MRPL38: variants seen among roughly 807,000 people sequenced by gnomAD.
The protein encoded by MRPL38 is large ribosomal subunit protein mL38.
MRPL38 carries 51 observed loss-of-function variants against 52.1 expected under a neutral mutation model. The observed-to-expected ratio is 0.98, with a 90% confidence interval of 0.78 to 1.24. The LOEUF (loss-of-function observed/expected upper bound fraction) is 1.24, where lower values mean the gene tolerates loss of function less well. Among genes scored for constraint, MRPL38 ranks in the 50% most tolerant of loss-of-function variants. MRPL38 has a pLI of 0.00. For missense variants in MRPL38, 527 were observed against 518.6 expected (o/e 1.02, Z -0.16); for synonymous variants, 245 against 212.7 (o/e 1.15, Z -1.32).
At position 75,901,033 on chromosome 17, in the gene MRPL38, C is replaced by G. The variant is rs2065401621; in HGVS notation, c.665-6G>C. 6.2e-7 allele frequency: 1 copy of G among 1,611,762 alleles called. No homozygotes were observed. The highest frequency in any genetic ancestry group is 1.3e-5 in the African/African-American group (1 of 74,930). ...TGGCTCCAGCAGGTGCCCATCTGCA[C>G]AAAAACACACCTGCTGACCACGGCC... On this transcript the variant is annotated splice_polypyrimidine_tract_variant and splice_region_variant and intron_variant, in intron 5 of 8. Transcript: ENST00000309352. The surrounding 1 kb of genome is among the most constrained non-coding windows in gnomAD (Gnocchi z 5.7).
chr17:75,899,168 G>GT lies in MRPL38; in HGVS notation c.995dup (p.His332GlnfsTer12), dbSNP rs1567852216. 6.2e-7 allele frequency: 1 copy of GT among 1,603,528 alleles called. No individual in the cohort carries two copies. Among genetic ancestry groups the GT allele is most frequent in the Admixed American group, 1.7e-5 (1 of 58,376 alleles). On this transcript the variant is annotated frameshift_variant, in exon 8 of 9. Coordinates refer to ENST00000309352, the MANE Select transcript of MRPL38 (RefSeq NM_032478.4). LOFTEE classifies it high-confidence loss of function. ...CCCCATGGCCCTTACCCAGAAGCTG[G>GT]TGGAAGATGTAGGTGACGGAGTCAT...
In MRPL38 at chr17:75,899,188, A is replaced by G. The variant is rs775763613; in HGVS notation, c.976T>C (p.Ser326Pro). The G allele has an allele frequency of 5.0e-6, 8 of 1,605,502 alleles. No homozygotes were observed. In the South Asian group the frequency reaches 8.9e-5, roughly 18 times the overall value. ...LSFFQCRWDD[S>P]VTYIFHQLLD... ...AGCTGGTGGAAGATGTAGGTGACGG[A>G]GTCATCCCAGCGGCACTGGAAGAAG... The change falls in exon 8 of 9, where the codon TCC becomes CCC. Residue 326 changes from serine to proline, a missense_variant. Coordinates refer to ENST00000309352, the MANE Select transcript of MRPL38 (RefSeq NM_032478.4).
chr17:75,901,697 C>G lies in MRPL38; in HGVS notation c.591+15G>C, dbSNP rs761110048. ...TTGCACAGGGCAGGGAGGAGGGGCA[C>G]AAGTGAGTGGTTACCTCGGTTGGAG... On this transcript the variant is annotated intron_variant, in intron 4 of 8. Transcript: ENST00000309352. The surrounding 1 kb of genome is among the most constrained non-coding windows in gnomAD (Gnocchi z 5.7). 3.7e-6 allele frequency: 6 copies of G among 1,611,586 alleles called. No homozygotes were observed.
chr17:75,901,801 CA>C lies in MRPL38; in HGVS notation c.501del (p.Phe167LeufsTer18), dbSNP rs1312672393. On this transcript the variant is annotated frameshift_variant, in exon 4 of 9. Transcript: ENST00000309352. LOFTEE classifies it high-confidence loss of function. This position sits in a 1 kb window ranked among gnomAD's most constrained non-coding sequence, Gnocchi z 5.7. The part of the protein sequence containing the change: ...LYRDLFHGAT[F>X]VPRVPLHVAY... Reference sequence around the variant, plus strand: ...GCCACGTGCAGGGGGACTCGGGGCACAAAGGTGGCACCGTGGAACAGGTCTC... The same window carrying C: ...GCCACGTGCAGGGGGACTCGGGGCACAAGGTGGCACCGTGGAACAGGTCTC... 1 of 1,613,490 alleles carries C rather than the reference CA, an allele frequency of 6.2e-7. No individual in the cohort carries two copies. The highest frequency in any genetic ancestry group is 8.5e-7 in the Non-Finnish European group (1 of 1,179,888).
Position 75,901,495 on chromosome 17 carries a change from CCA to C in MRPL38, c.591+215_591+216del. 1.5e-6 allele frequency: 1 copy of C among 663,544 alleles called. No homozygotes were observed. The highest frequency in any genetic ancestry group is 2.6e-6 in the Non-Finnish European group (1 of 383,978). The allele number at this position is 663,544 out of a possible 1,614,324, so 41.1% of individuals were successfully genotyped here. ...GCCAAGGCCGGGCCAGGAGGGCACACCACAGACAGCAGGCTGGTCACAGGAAT... is the reference window on the plus strand; with the variant it reads ...GCCAAGGCCGGGCCAGGAGGGCACACCAGACAGCAGGCTGGTCACAGGAAT... On this transcript the variant is annotated intron_variant, in intron 4 of 8. Coordinates refer to ENST00000309352, the MANE Select transcript of MRPL38 (RefSeq NM_032478.4). The surrounding 1 kb of genome is among the most constrained non-coding windows in gnomAD (Gnocchi z 5.7).
chr17:75,902,312 C>T (rs2065408806), intron 2 of MRPL38, 158 bp from the exon 3 acceptor site: 2 of 793,802 alleles, frequency 2.5e-6, no homozygotes, highest in African/African-American at 3.5e-5. Flanking sequence ...CCACATTGCC[C>T]AGGCTGGTAT....
Position 75,901,479 on chromosome 17 carries a change from G to A in MRPL38, c.592-206C>T, listed in dbSNP as rs1330926151. Reference sequence around the variant, plus strand: ...ACAAAAACGAACATGTGCCAAGGCCGGGCCAGGAGGGCACACCACAGACAG... The same window carrying A: ...ACAAAAACGAACATGTGCCAAGGCCAGGCCAGGAGGGCACACCACAGACAG... On this transcript the variant is annotated intron_variant, in intron 4 of 8. Coordinates refer to ENST00000309352, the MANE Select transcript of MRPL38 (RefSeq NM_032478.4). This position sits in a 1 kb window ranked among gnomAD's most constrained non-coding sequence, Gnocchi z 5.7. 19 of 665,664 alleles carry A rather than the reference G, an allele frequency of 2.9e-5. No individual in the cohort carries two copies. Among genetic ancestry groups the A allele is most frequent in the Non-Finnish European group, 4.4e-5 (17 of 385,204 alleles). The allele number at this position is 665,664 out of a possible 1,614,324, so 41.2% of individuals were successfully genotyped here.
chr17:75,904,767 A>ACCGGG, intron 1 of MRPL38, 42 bp downstream of exon 1: 2 of 665,820 alleles, frequency 3.0e-6, no homozygotes, highest in Non-Finnish European at 4.3e-6. Flanking sequence ...AGCTCGGGCG[A>ACCGGG]CAGCCCCCCC....
chr17:75,904,254 C>A (rs1198202770), intron 2 of MRPL38: 3 of 602,274 alleles, frequency 5.0e-6, no homozygotes, highest in East Asian at 7.5e-5. Flanking sequence ...AGAACGGCAT[C>A]CCAATCCGGA....
chr17:75,900,835 G>A, intron 6 of MRPL38, 147 bp downstream of exon 6: 1 of 1,440,008 alleles, frequency 6.9e-7, no homozygotes, highest in South Asian at 1.5e-5. Context: ...GGATCCCAGG[G>A]CCCCTAACAC....
At position 75,904,494 on chromosome 17, in the gene MRPL38, A is replaced by G. The variant is rs1388879288; in HGVS notation, c.247+46T>C. The G allele has an allele frequency of 4.1e-6, 6 of 1,469,514 alleles. No homozygotes were observed. The African/African-American group carries it at 5.7e-5, about 14-fold the overall frequency. 91.0% of individuals were successfully genotyped at this position (1,469,514 alleles called of 1,614,324 possible). ...CCGGGGAAAACGCCGGCGGGTCCCGAGTTCCCCGGGCGGTGGCTGCAGCCC... is the reference window on the plus strand; with the variant it reads ...CCGGGGAAAACGCCGGCGGGTCCCGGGTTCCCCGGGCGGTGGCTGCAGCCC... On this transcript the variant is annotated intron_variant, in intron 2 of 8. Transcript: ENST00000309352.
rs201107670 is a variant in MRPL38, at chr17:75,899,314, G to A, written c.870-20C>T. The A allele has an allele frequency of 4.9e-4, 788 of 1,609,866 alleles. 1 individual carries two copies. The highest frequency in any genetic ancestry group is 5.2e-4 in the Non-Finnish European group (616 of 1,178,132). ...TGATAGCTATGAGAAGATAGAGAGC[G>A]TATGAGAGTGTGGAGTGGGGCACCA... On this transcript the variant is annotated intron_variant, in intron 7 of 8. Transcript: ENST00000309352.
In MRPL38 at chr17:75,904,607, T is replaced by A. The variant is rs3744015; in HGVS notation, c.180A>T (p.Arg60=). 1.9e-6 allele frequency: 3 copies of A among 1,591,388 alleles called. No homozygotes were observed. The highest frequency in any genetic ancestry group is 1.3e-5 in the African/African-American group (1 of 74,630). ...GCGGGGCCTGCGCCTCCTGCTCTGC[T>A]CGGCGCCGGTAGCGGTCGAAGCTCC... ...KYRSFDRYRR[R]AEQEAQAPHW... is the part of the protein sequence containing the mutation. Residue 60 remains arginine (R), a synonymous_variant, in exon 2 of 9, where the codon CGA becomes CGT. Coordinates refer to ENST00000309352, the MANE Select transcript of MRPL38 (RefSeq NM_032478.4).
Position 75,904,569 on chromosome 17 carries a change from G to A in MRPL38, c.218C>T (p.Thr73Ile). Residue 73 changes from threonine (T) to isoleucine (I), a missense_variant, in exon 2 of 9, where the codon ACC (threonine) becomes ATC (isoleucine). Transcript: ENST00000309352. ...CTTCTCCCCGAAATACTCTCGGTAG[G>A]TCCGCCACCAGTGCGGGGCCTGCGC... ...QEAQAPHWWR[T>I]YREYFGEKTD... is the part of the protein sequence containing the mutation. 1 of 1,576,816 alleles carries A rather than the reference G, an allele frequency of 6.3e-7. No individual in the cohort carries two copies. Among genetic ancestry groups the A allele is most frequent in the Non-Finnish European group, 8.5e-7 (1 of 1,170,908 alleles).
At chr17:75,903,158 C>T (rs888496309) in intron 2 of MRPL38, among the ~76,000 whole-genome samples, 1 of 152,180 alleles carries the variant, frequency 6.6e-6, no homozygotes, top group Admixed American at 6.5e-5. Context: ...CCTGTAATCC[C>T]AACACTTTGG....
In MRPL38 at chr17:75,901,085, T is replaced by C; in HGVS notation, c.665-58A>G. 1 of 1,596,342 alleles carries C rather than the reference T, an allele frequency of 6.3e-7. No homozygotes were observed. Among genetic ancestry groups the C allele is most frequent in the Non-Finnish European group, 8.5e-7 (1 of 1,172,614 alleles). ...AGCCGACCACGGCCCTGCCACCCCC[T>C]CCCTTGTTAGGAGCCAGCGCTGGAG... is the stretch of plus-strand genomic sequence containing the variant. On this transcript the variant is annotated intron_variant, in intron 5 of 8. Transcript: ENST00000309352. This position sits in a 1 kb window ranked among gnomAD's most constrained non-coding sequence, Gnocchi z 5.7.
intron 6 of MRPL38, 60 bp downstream of exon 6, chr17:75,900,922 G>C: frequency 6.3e-7 from 1 of 1,575,156 alleles, no homozygotes; most frequent in Non-Finnish European, 8.6e-7. Flanking sequence ...CTCAGTCCAG[G>C]CTCCCAGCTC....
Position 75,901,043 on chromosome 17 carries a change from C to T in MRPL38, c.665-16G>A. ...AGGTGCCCATCTGCACAAAAACACA[C>T]CTGCTGACCACGGCCCAGCCGACCA... is the stretch of plus-strand genomic sequence containing the variant. On this transcript the variant is annotated splice_polypyrimidine_tract_variant and intron_variant, in intron 5 of 8. Coordinates refer to ENST00000309352, the MANE Select transcript of MRPL38 (RefSeq NM_032478.4). The surrounding 1 kb of genome is among the most constrained non-coding windows in gnomAD (Gnocchi z 5.7). The T allele has an allele frequency of 1.2e-6, 2 of 1,611,060 alleles. No individual in the cohort carries two copies. Among genetic ancestry groups the T allele is most frequent in the East Asian group, 2.2e-5 (1 of 44,744 alleles).
At chr17:75,899,466 T>A in intron 7 of MRPL38, 50 bp downstream of exon 7, 1 of 1,543,906 alleles carries the variant, frequency 6.5e-7, no homozygotes, top group Non-Finnish European at 8.8e-7. Flanking sequence ...GAGTGACCGT[T>A]CCAGGGGAGC....
Sources: allele counts gnomAD v4.1 joint callset (sites outside exome capture counted in the v4.1 genomes callset), GRCh38; gene constraint gnomAD v4.1.1; non-coding constraint Gnocchi (gnomAD v3.1); transcripts MANE v1.5; gene names NCBI Gene and HGNC (gene_info 2026-07-23, HGNC 2026-07-21).